The following GPC5 variants were observed in gnomAD, a reference collection of about 807,000 sequenced individuals.
GPC5 encodes glypican 5.
In GPC5, 47 loss-of-function variants were observed where a neutral mutation model predicts 53.9. That is an observed-to-expected ratio of 0.87 (90% CI 0.69 to 1.11). The LOEUF is 1.11. GPC5 is among the 50% of genes most tolerant of loss of function. GPC5 has a pLI of 0.00. For synonymous variants in GPC5, 286 were observed against 263.3 expected (o/e 1.09, Z -0.84); for missense variants, 748 against 713.1 (o/e 1.05, Z -0.56).
chr13:91,861,902 GT>G (rs923627994), intron 5 of GPC5, among the ~76,000 whole-genome samples: 1 of 148,848 alleles, frequency 6.7e-6, no homozygotes, highest in Non-Finnish European at 1.5e-5. Context: ...TTACTTGGAG[GT>G]TTTTTTTTAC....
intron 7 of GPC5, among the ~76,000 whole-genome samples, chr13:92,270,941 C>T (rs1395638504): frequency 6.6e-6 from 1 of 152,082 alleles, no homozygotes; most frequent in Non-Finnish European, 1.5e-5. Flanking sequence ...TTTTTGTTGG[C>T]TTATGTGTGG....
intron 7 of GPC5, among the ~76,000 whole-genome samples, chr13:92,784,176 G>A (rs373996444): frequency 3.9e-5 from 6 of 152,166 alleles, no homozygotes; most frequent in African/African-American, 1.2e-4. Context: ...GGAACAGTGA[G>A]TGTCCTTCAA....
chr13:91,607,312 G>C (rs1435822484), intron 2 of GPC5, among the ~76,000 whole-genome samples: 1 of 152,172 alleles, frequency 6.6e-6, no homozygotes, highest in Non-Finnish European at 1.5e-5. Context: ...CATTTCGTAA[G>C]TCTTTACGTT....
chr13:91,837,635 T>C (rs1483183080), intron 5 of GPC5, among the ~76,000 whole-genome samples: 1 of 152,198 alleles, frequency 6.6e-6, no homozygotes, highest in Non-Finnish European at 1.5e-5. Flanking sequence ...TGGTAAATTT[T>C]GTGTAACTTC....
At chr13:92,212,964 G>T (rs1162748398) in intron 7 of GPC5, among the ~76,000 whole-genome samples, 1 of 152,182 alleles carries the variant, frequency 6.6e-6, no homozygotes, top group Non-Finnish European at 1.5e-5. Context: ...GCCAGTCAAT[G>T]ACAGACAAGG....
At chr13:92,091,603 CAT>C (rs2041381018) in intron 6 of GPC5, among the ~76,000 whole-genome samples, 3 of 152,014 alleles carry the variant, frequency 2.0e-5, no homozygotes, top group African/African-American at 7.2e-5. Context: ...AGTAGAGTAA[CAT>C]AGTACAAACC....
At chr13:92,046,867 G>A (rs192433927) in intron 6 of GPC5, among the ~76,000 whole-genome samples, 152 of 152,214 alleles carry the variant, frequency 1.0e-3, no homozygotes, top group African/African-American at 3.5e-3. Context: ...GTATATTTTC[G>A]CAGGGATTAT....
intron 7 of GPC5, among the ~76,000 whole-genome samples, chr13:92,290,278 A>G (rs1381446294): frequency 1.3e-5 from 2 of 152,210 alleles, no homozygotes; most frequent in Non-Finnish European, 2.9e-5. Context: ...TTAGTGAGGA[A>G]TCTAATCCTA....
intron 2 of GPC5, among the ~76,000 whole-genome samples, chr13:91,639,078 G>A (rs529956230): frequency 6.6e-6 from 1 of 152,120 alleles, no homozygotes; most frequent in Admixed American, 6.5e-5. Context: ...TATTTTAGTG[G>A]GTAATATGTT....
chr13:91,893,463 C>T (rs1212920254), intron 5 of GPC5, among the ~76,000 whole-genome samples: 1 of 151,958 alleles, frequency 6.6e-6, no homozygotes. Flanking sequence ...GATTTCTGGC[C>T]CTCTACTCCA....
chr13:91,478,902 T>TATATATATATATATATAC (rs201918417), intron 2 of GPC5, among the ~76,000 whole-genome samples: 4 of 90,296 alleles, frequency 4.4e-5, no homozygotes, highest in African/African-American at 1.2e-4. Flanking sequence ...TATATATATA[T>TATATATATATATATATAC]GCACATATAT....
intron 7 of GPC5, among the ~76,000 whole-genome samples, chr13:92,156,188 T>C (rs898747188): frequency 6.6e-5 from 10 of 152,182 alleles, no homozygotes; most frequent in Non-Finnish European, 1.5e-4. Flanking sequence ...CTGTTATTCT[T>C]ATCTCACTAT....
At chr13:92,814,966 T>C (rs1056214434) in intron 7 of GPC5, among the ~76,000 whole-genome samples, 11 of 151,930 alleles carry the variant, frequency 7.2e-5, no homozygotes, top group African/African-American at 2.7e-4. Context: ...TTGAAAAAAA[T>C]GTTATTTTCT....
rs185797883 is a variant in GPC5 at position 91,820,116 on chromosome 13, G to A, written c.1280+63696G>A. 2.6e-5 allele frequency among the ~76,000 whole-genome samples: 4 copies of A among 151,852 alleles called. No homozygotes were observed. In the East Asian group the frequency reaches 5.8e-4, roughly 22 times the overall value. ...ATTGTCATTGTTGGTGGTGGTGGTG[G>A]TATTTTTGTTTTTATAGTCCCTATT... On this transcript the variant is annotated intron_variant, in intron 5 of 7. Coordinates refer to ENST00000377067, the MANE Select transcript of GPC5 (RefSeq NM_004466.6).
At chr13:92,329,006 C>T (rs960287827) in intron 7 of GPC5, among the ~76,000 whole-genome samples, 1 of 152,152 alleles carries the variant, frequency 6.6e-6, no homozygotes, top group Non-Finnish European at 1.5e-5. Context: ...TCACCCTCTA[C>T]TGGCTTATGC....
intron 4 of GPC5, among the ~76,000 whole-genome samples, chr13:91,754,980 A>AT (rs944378324): frequency 2.0e-5 from 3 of 151,940 alleles, no homozygotes; most frequent in Non-Finnish European, 4.4e-5. Context: ...AAAACTTCTG[A>AT]TTTTCTCTGA....
chr13:92,696,901 CA>C (rs1887573188), intron 7 of GPC5, among the ~76,000 whole-genome samples: 2 of 152,176 alleles, frequency 1.3e-5, no homozygotes, highest in Admixed American at 6.5e-5. Context: ...GATCCAGTTT[CA>C]GCTTTCTGCA....
intron 7 of GPC5, among the ~76,000 whole-genome samples, chr13:92,328,331 T>C (rs1425219967): frequency 6.6e-6 from 1 of 151,968 alleles, no homozygotes. Flanking sequence ...AGATAGGGAG[T>C]TCCCAAAAGG....
intron 2 of GPC5, among the ~76,000 whole-genome samples, chr13:91,685,440 A>G (rs1024473388): frequency 2.0e-5 from 3 of 152,356 alleles, no homozygotes; most frequent in African/African-American, 7.2e-5. Flanking sequence ...AAAGTTTCCT[A>G]TTGAGAATAA....
Sources: gnomAD v4.1 joint callset for allele counts (sites outside exome capture counted in the v4.1 genomes callset) on GRCh38, gnomAD v4.1.1 for gene constraint, MANE v1.5 for transcripts, NCBI Gene and HGNC (gene_info 2026-07-23, HGNC 2026-07-21) for gene names.